Variants in NPAS3 observed in about 807,000 individuals in gnomAD.
The protein encoded by NPAS3 is neuronal PAS domain protein 3.
Under a neutral mutation model 73.1 loss-of-function variants are expected in NPAS3, and 14 were observed. That is an observed-to-expected ratio of 0.19 (90% CI 0.13 to 0.30). The LOEUF (loss-of-function observed/expected upper bound fraction) is 0.30, where lower values mean the gene tolerates loss of function less well. Among genes scored for constraint, NPAS3 ranks in the 10% least tolerant of loss-of-function variants. The pLI, the probability that NPAS3 is intolerant of heterozygous loss-of-function variation, is 1.00. For missense variants in NPAS3, 1,096 were observed against 1,250.0 expected, an observed-to-expected ratio of 0.88 and a Z score of 1.86; for synonymous variants, 620 against 541.5, an observed-to-expected ratio of 1.14 and a Z score of -2.01.
At chr14:33,374,426 G>A (rs2046229503) in intron 4 of NPAS3, among the ~76,000 whole-genome samples, 1 of 151,872 alleles carries the variant, frequency 6.6e-6, no homozygotes, top group African/African-American at 2.4e-5. Context: ...ATAGTCTTTT[G>A]GTCCTGCAGA....
At chr14:33,353,809 T>A (rs2045197016) in intron 3 of NPAS3, among the ~76,000 whole-genome samples, 1 of 152,152 alleles carries the variant, frequency 6.6e-6, no homozygotes, top group African/African-American at 2.4e-5. Context: ...TCATTAACAG[T>A]GGGCAAGAAG....
intron 1 of NPAS3, among the ~76,000 whole-genome samples, chr14:32,988,673 G>A (rs2038194445): frequency 6.6e-6 from 1 of 152,138 alleles, no homozygotes. Flanking sequence ...ACTAGCCACA[G>A]TGGCAACTAA....
chr14:33,100,384 A>C (rs1279337), intron 2 of NPAS3, among the ~76,000 whole-genome samples: 8,949 of 152,228 alleles, frequency 0.059, 652 homozygotes, highest in East Asian at 0.35. Flanking sequence ...TGCAGAAAAG[A>C]AGCATTCTGA....
chr14:33,455,434 G>A (rs1209093832), intron 4 of NPAS3, among the ~76,000 whole-genome samples: 2 of 152,204 alleles, frequency 1.3e-5, no homozygotes, highest in African/African-American at 4.8e-5. Flanking sequence ...TCACATGTGA[G>A]AACAGAGAGT....
intron 2 of NPAS3, among the ~76,000 whole-genome samples, chr14:33,090,581 C>G (rs2042190668): frequency 6.6e-6 from 1 of 152,152 alleles, no homozygotes; most frequent in East Asian, 1.9e-4. Flanking sequence ...CAACATTAGA[C>G]AGATCAACGA....
rs1186290291 is a variant in NPAS3 at position 33,509,518 on chromosome 14, CA to C, written c.469-50600del. On this transcript the variant is annotated intron_variant, in intron 4 of 11. Coordinates refer to ENST00000356141, the Ensembl canonical transcript of NPAS3. ...CCTTCTCTTCTAGTTCTTTCTTGTA[CA>C]AATGACTATATAATTAAATCCTTCA... 2.6e-5 allele frequency among the ~76,000 whole-genome samples: 4 copies of C among 152,002 alleles called. No individual in the cohort carries two copies. The East Asian group carries it at 7.8e-4, about 30-fold the overall frequency.
chr14:33,160,246 A>G (rs992431769), intron 2 of NPAS3, among the ~76,000 whole-genome samples: 1 of 152,090 alleles, frequency 6.6e-6, no homozygotes, highest in African/African-American at 2.4e-5. Context: ...CAAGTCAATT[A>G]TATTTTCTCT....
intron 1 of NPAS3, among the ~76,000 whole-genome samples, chr14:33,011,736 AC>A (rs1289590429): frequency 6.6e-6 from 1 of 152,088 alleles, no homozygotes; most frequent in African/African-American, 2.4e-5. Context: ...TTAATTATAA[AC>A]CAGATATGCT....
intron 1 of NPAS3, among the ~76,000 whole-genome samples, chr14:32,986,907 A>G (rs1363198897): frequency 6.6e-6 from 1 of 152,156 alleles, no homozygotes; most frequent in Non-Finnish European, 1.5e-5. Context: ...GATGTAACCC[A>G]TTAGGCTGGA....
chr14:33,323,589 T>C (rs973831408), intron 3 of NPAS3, among the ~76,000 whole-genome samples: 1 of 152,208 alleles, frequency 6.6e-6, no homozygotes, highest in African/African-American at 2.4e-5. Context: ...TGAGGAATTA[T>C]GTAAATGAGG....
intron 1 of NPAS3, among the ~76,000 whole-genome samples, chr14:33,054,354 T>C (rs193136343): frequency 6.6e-6 from 1 of 152,152 alleles, no homozygotes; most frequent in Admixed American, 6.5e-5. Flanking sequence ...TGGTTAATTA[T>C]AAATAGAACT....
intron 4 of NPAS3, among the ~76,000 whole-genome samples, chr14:33,499,699 C>T (rs527454897): frequency 2.0e-4 from 31 of 152,042 alleles, no homozygotes; most frequent in African/African-American, 7.0e-4. Flanking sequence ...TAGAAACCTT[C>T]TAATTGGTTA....
chr14:33,086,359 T>C (rs931878709), intron 2 of NPAS3, among the ~76,000 whole-genome samples: 1 of 152,192 alleles, frequency 6.6e-6, no homozygotes, highest in Non-Finnish European at 1.5e-5. Context: ...TATATTCTTC[T>C]AATAATTAAA....
chr14:33,745,528 G>C (rs1250609276), intron 7 of NPAS3, among the ~76,000 whole-genome samples: 1 of 151,996 alleles, frequency 6.6e-6, no homozygotes, highest in Non-Finnish European at 1.5e-5. Flanking sequence ...ATGAGATGAA[G>C]GTAAAGTGCT....
At chr14:33,138,878 A>G (rs1361563242) in intron 2 of NPAS3, among the ~76,000 whole-genome samples, 3 of 152,230 alleles carry the variant, frequency 2.0e-5, no homozygotes, top group Non-Finnish European at 4.4e-5. Flanking sequence ...CTTAGAATAT[A>G]TTCTGTCGTG....
chr14:33,521,305 A>T (rs1432338473), intron 4 of NPAS3, among the ~76,000 whole-genome samples: 1 of 152,098 alleles, frequency 6.6e-6, no homozygotes. Flanking sequence ...GTCTCCTTTA[A>T]CAGCTTGATA....
chr14:33,399,876 T>A (rs187483310), intron 4 of NPAS3, among the ~76,000 whole-genome samples: 4 of 152,246 alleles, frequency 2.6e-5, no homozygotes, highest in African/African-American at 9.6e-5. Context: ...GACTCAACTG[T>A]TAATTAGCTG....
chr14:33,788,983 G>C (rs75489391), intron 9 of NPAS3, among the ~76,000 whole-genome samples: 1,985 of 123,828 alleles, frequency 0.016, 42 homozygotes, highest in East Asian at 0.13. Context: ...TGGTGGGGGT[G>C]GGGGGCGGGC....
intron 2 of NPAS3, among the ~76,000 whole-genome samples, chr14:33,095,668 T>TA (rs1158784264): frequency 4.2e-5 from 3 of 70,664 alleles, no homozygotes; most frequent in East Asian, 3.0e-4. Context: ...TTTTATTTTT[T>TA]TATTTTTTTT....
Sources: allele counts gnomAD v4.1 joint callset (sites outside exome capture counted in the v4.1 genomes callset), GRCh38; gene constraint gnomAD v4.1.1; transcripts MANE v1.5; gene names NCBI Gene and HGNC (gene_info 2026-07-23, HGNC 2026-07-21).